GRIP2: variants seen among roughly 807,000 people sequenced by gnomAD.
GRIP2 encodes the protein glutamate receptor interacting protein 2.
In GRIP2, 58 loss-of-function variants were observed where a neutral mutation model predicts 108.3. The observed-to-expected ratio is 0.54, with a 90% CI of 0.43 to 0.67. GRIP2 has a LOEUF of 0.67. Among genes scored for constraint, GRIP2 ranks in the 30% least tolerant of loss-of-function variants. The pLI, the probability that GRIP2 is intolerant of heterozygous loss-of-function variation, is 0.00. For synonymous variants in GRIP2, 586 were observed against 598.2 expected (o/e 0.98, Z 0.30); for missense variants, 1,278 against 1,430.6 (o/e 0.89, Z 1.72).
In GRIP2 at chr3:14,525,950, G is replaced by T; in HGVS notation, c.41-19C>A. The stretch of plus-strand genomic sequence containing the variant: ...CCATCGTCTGCAGGAGAGAAAGAGG[G>T]AAAGGCCGAGTTCCACTTTCGTTTC... On this transcript the variant is annotated intron_variant, in intron 1 of 23. Transcript: ENST00000621039. 6.5e-7 allele frequency: 1 copy of T among 1,549,208 alleles called. No homozygotes were observed. Among genetic ancestry groups the T allele is most frequent in the Non-Finnish European group, 8.7e-7 (1 of 1,144,564 alleles).
the GRIP2 span, among the ~76,000 whole-genome samples, chr3:14,562,731 AC>A: frequency 1.3e-3 from 41 of 32,440 alleles, no homozygotes; most frequent in African/African-American, 5.6e-3. Context: ...CGGTCCTCGG[AC>A]TCCCGAGGCA....
In GRIP2 at chr3:14,513,792, C is replaced by G. The variant is rs1301054928; in HGVS notation, c.1512G>C (p.Val504=). 1.9e-6 allele frequency: 3 copies of G among 1,612,834 alleles called. No homozygotes were observed. The highest frequency in any genetic ancestry group is 1.7e-5 in the Admixed American group (1 of 59,900). The change falls in exon 13 of 24, where the codon GTG becomes GTC. Residue 504 remains valine (V), a synonymous_variant. Transcript: ENST00000621039. Reference sequence around the variant, plus strand: ...CATTGATGGACAGGACACGGTCCCCCACCTGCAGCAGCCCACACCTGAACC... The same window carrying G: ...CATTGATGGACAGGACACGGTCCCCGACCTGCAGCAGCCCACACCTGAACC... ...SPAERCGLLQ[V]GDRVLSINGI... is the part of the protein sequence containing the mutation.
the GRIP2 span, among the ~76,000 whole-genome samples, chr3:14,600,655 A>G: frequency 3.3e-5 from 5 of 151,824 alleles, no homozygotes; most frequent in East Asian, 3.9e-4. Context: ...TCTCCCCACA[A>G]CCTCTTGTCA....
intron 1 of GRIP2, 193 bp from the exon 2 acceptor site, chr3:14,526,124 T>C (rs1694548191): frequency 1.6e-6 from 1 of 620,774 alleles, no homozygotes; most frequent in Middle Eastern, 4.3e-4. Flanking sequence ...GCCCCTGCTC[T>C]TGGGGCTGAG....
At chr3:14,587,661 C>A in the GRIP2 span, among the ~76,000 whole-genome samples, 372 of 147,022 alleles carry the variant, frequency 2.5e-3, 1 homozygote, top group African/African-American at 8.2e-3. Flanking sequence ...AAAAACAAAA[C>A]AAAAAAAACC....
intron 1 of GRIP2, 132 bp from the exon 2 acceptor site, chr3:14,526,063 C>T: frequency 1.4e-6 from 1 of 734,254 alleles, no homozygotes; most frequent in Non-Finnish European, 2.4e-6. Context: ...CCAGCTCCAC[C>T]CGATTCTCTG....
rs782262163 is a variant in GRIP2 at position 14,520,108 on chromosome 3, A to C, written c.1030+2T>G. The C allele has an allele frequency of 3.8e-6, 6 of 1,588,160 alleles. No homozygotes were observed. Among genetic ancestry groups the C allele is most frequent in the Non-Finnish European group, 4.3e-6 (5 of 1,168,912 alleles). ...GCCCTGAGATCTACTGAGGGGACCC[A>C]CCTGCCTCTGAGGGCCTCAGTGGCC... is the stretch of plus-strand genomic sequence containing the variant. On this transcript the variant is annotated splice_donor_variant, in intron 9 of 23. Coordinates refer to ENST00000621039, the MANE Select transcript of GRIP2 (RefSeq NM_001080423.4). LOFTEE classifies it high-confidence loss of function.
At position 14,517,789 on chromosome 3, in the gene GRIP2, C is replaced by T. The variant is rs1353301090; in HGVS notation, c.1139G>A (p.Gly380Asp). Reference sequence around the variant, plus strand: ...CACATTACATCGGCTTTGGTCCTGGCCAGCAGGTGTGGCCCAGGTGGGCAT... The same window carrying T: ...CACATTACATCGGCTTTGGTCCTGGTCAGCAGGTGTGGCCCAGGTGGGCAT... ...CRMPTWATPAGQDQSRSLSST... is the reference protein window; with the variant it reads ...CRMPTWATPADQDQSRSLSST... The change falls in exon 10 of 24, where the codon GGC becomes GAC. Residue 380 changes from glycine to aspartate, a missense_variant. Gly to Asp is a moderately conservative substitution (Grantham distance 94). Transcript: ENST00000621039. 1 of 1,609,384 alleles carries T rather than the reference C, an allele frequency of 6.2e-7. No individual in the cohort carries two copies. Among genetic ancestry groups the T allele is most frequent in the Non-Finnish European group, 8.5e-7 (1 of 1,178,370 alleles).
rs779377724 is a variant in GRIP2, at chr3:14,492,665, C to CGTA, written c.*999_*1000insTAC. ...ATCTGGCTGTAAAGAGGAGCGCTAC[C>CGTA]GCCTCACAGGTCCTGCGTCCATCGC... On this transcript the variant is annotated 3_prime_UTR_variant, in exon 24 of 24. Coordinates refer to ENST00000621039, the MANE Select transcript of GRIP2 (RefSeq NM_001080423.4). The CGTA allele has an allele frequency of 6.6e-6, 1 of 152,250 alleles. No homozygotes were observed. The highest frequency in any genetic ancestry group is 1.5e-5 in the Non-Finnish European group (1 of 68,056). 9.4% of individuals were successfully genotyped at this position (152,250 alleles called of 1,614,324 possible). A position where few individuals can be genotyped will look rare whatever the true frequency, so the allele number is the denominator to read the frequency against.
rs1488814727 is a variant in GRIP2, at chr3:14,511,069, C to T, written c.1933+96G>A. The T allele has an allele frequency of 7.0e-7, 1 of 1,432,006 alleles. No individual in the cohort carries two copies. The highest frequency in any genetic ancestry group is 1.3e-5 in the South Asian group (1 of 74,898). The allele number at this position is 1,432,006 out of a possible 1,614,324, so 88.7% of individuals were successfully genotyped here. On this transcript the variant is annotated intron_variant, in intron 16 of 23. Coordinates refer to ENST00000621039, the MANE Select transcript of GRIP2 (RefSeq NM_001080423.4). This position sits in a 1 kb window ranked among gnomAD's most constrained non-coding sequence, Gnocchi z 4.1. ...GCCTTCAGCAGCGCCCACCACCCTC[C>T]CTTCCTCGGCTGGAGGGAGCCCTGA...
chr3:14,524,569 A>T, intron 3 of GRIP2, 31 bp from the exon 4 acceptor site: 1 of 1,548,248 alleles, frequency 6.5e-7, no homozygotes, highest in African/African-American at 1.4e-5. Flanking sequence ...CACACATGGT[A>T]ACAGGTGCTG....
At chr3:14,518,327 C>T (rs2124911051) in intron 9 of GRIP2, among the ~76,000 whole-genome samples, 1 of 152,202 alleles carries the variant, frequency 6.6e-6, no homozygotes, top group East Asian at 1.9e-4. Flanking sequence ...CCCAGGCAGC[C>T]TCGGCCAGTG....
rs1166593189 is a variant in GRIP2 at position 14,506,794 on chromosome 3, G to A, written c.2398+7C>T. ...GTGCCACTTGTCCAAGGGCCCCAAG[G>A]TATTACCTGGGCCCCCAAAGCCACC... On this transcript the variant is annotated splice_region_variant and intron_variant, in intron 19 of 23. Coordinates refer to ENST00000621039, the MANE Select transcript of GRIP2 (RefSeq NM_001080423.4). The A allele has an allele frequency of 1.9e-6, 3 of 1,584,906 alleles. No individual in the cohort carries two copies. Among genetic ancestry groups the A allele is most frequent in the Non-Finnish European group, 8.6e-7 (1 of 1,165,362 alleles).
the GRIP2 span, among the ~76,000 whole-genome samples, chr3:14,570,266 T>C: frequency 2.6e-5 from 4 of 152,194 alleles, no homozygotes; most frequent in Non-Finnish European, 5.9e-5. Flanking sequence ...CTTCAGAGCA[T>C]GTGTGTCCCA....
At chr3:14,579,308 T>C in the GRIP2 span, among the ~76,000 whole-genome samples, 3 of 152,138 alleles carry the variant, frequency 2.0e-5, no homozygotes, top group Non-Finnish European at 4.4e-5. Flanking sequence ...AATTGTACCT[T>C]GATTGGGTTG....
upstream of GRIP2, among the ~76,000 whole-genome samples, chr3:14,559,653 A>G (rs144557872): frequency 0.01 from 1,532 of 151,796 alleles, 13 homozygotes; most frequent in Middle Eastern, 0.017. Flanking sequence ...TTCAGAGCTA[A>G]TTTGGGAGGT....
At chr3:14,603,010 G>T in the GRIP2 span, among the ~76,000 whole-genome samples, 73 of 146,302 alleles carry the variant, frequency 5.0e-4, no homozygotes, top group African/African-American at 1.6e-3. Flanking sequence ...GGCCCGGCCC[G>T]GCCTCGCCAG....
At chr3:14,503,717 G>T in intron 20 of GRIP2, 46 bp from the exon 21 acceptor site, 1 of 1,193,446 alleles carries the variant, frequency 8.4e-7, no homozygotes, top group South Asian at 1.4e-5. Context: ...CAGGCGGGTG[G>T]GCGGGCTGGG....
chr3:14,579,417 AT>A, the GRIP2 span, among the ~76,000 whole-genome samples: 13 of 152,160 alleles, frequency 8.5e-5, no homozygotes, highest in African/African-American at 3.1e-4. Flanking sequence ...CAACAAAGTT[AT>A]TTTTTAAAAA....
Sources: allele counts gnomAD v4.1 joint callset (sites outside exome capture counted in the v4.1 genomes callset), GRCh38; gene constraint gnomAD v4.1.1; non-coding constraint Gnocchi (gnomAD v3.1); transcripts MANE v1.5; gene names NCBI Gene and HGNC (gene_info 2026-07-23, HGNC 2026-07-21).